IGFL2: variants seen among roughly 807,000 people sequenced by gnomAD.
IGFL2 encodes insulin growth factor-like family member 2.
IGFL2 carries 7 observed loss-of-function variants against 13.9 expected under a neutral mutation model. That is an observed-to-expected ratio of 0.51 (90% CI 0.29 to 0.95). The LOEUF (loss-of-function observed/expected upper bound fraction) is 0.95. Ranked by LOEUF, IGFL2 falls within the 40% of genes least tolerant of loss-of-function variation. The probability of loss-of-function intolerance (pLI) is 0.08; values close to 1 mark genes in which losing one functional copy is unlikely to be tolerated. For synonymous variants in IGFL2, 55 were observed against 55.8 expected (o/e 0.99, Z 0.07); for missense variants, 138 against 147.8 (o/e 0.93, Z 0.34).
At chr19:46,183,604 C>T in the IGFL2 span, among the ~76,000 whole-genome samples, 1 of 150,878 alleles carries the variant, frequency 6.6e-6, no homozygotes, top group Non-Finnish European at 1.5e-5. Flanking sequence ...GGGGTGATCT[C>T]TGCTCACTGC....
the IGFL2 span, chr19:46,198,253 G>C: frequency 6.6e-6 from 1 of 151,788 alleles, no homozygotes; most frequent in African/African-American, 2.4e-5. Flanking sequence ...GGGACCACAG[G>C]TGTGTGCCAC....
the IGFL2 span, among the ~76,000 whole-genome samples, chr19:46,193,392 T>C: frequency 6.6e-6 from 1 of 152,132 alleles, no homozygotes; most frequent in African/African-American, 2.4e-5. Context: ...AGATCAACTG[T>C]CATGCTATTG....
At chr19:46,157,226 A>G (rs949912641) in intron 1 of IGFL2, among the ~76,000 whole-genome samples, 10 of 152,310 alleles carry the variant, frequency 6.6e-5, no homozygotes, top group South Asian at 4.1e-4. Context: ...ATTCTGCACA[A>G]TCTCATCCAG....
upstream of IGFL2, among the ~76,000 whole-genome samples, chr19:46,146,511 TTGG>T (rs1368014092): frequency 6.6e-6 from 1 of 152,234 alleles, no homozygotes; most frequent in Non-Finnish European, 1.5e-5. Flanking sequence ...TTGGGTTTGA[TTGG>T]AATTGTGTTA....
At chr19:46,120,361 T>C in the IGFL2 span, 1 of 1,611,040 alleles carries the variant, frequency 6.2e-7, no homozygotes, top group Non-Finnish European at 8.5e-7. Flanking sequence ...CCTGTTCCTA[T>C]CACAGTGCCC....
the IGFL2 span, among the ~76,000 whole-genome samples, chr19:46,120,616 T>C: frequency 6.6e-6 from 1 of 150,852 alleles, no homozygotes; most frequent in South Asian, 2.1e-4. Flanking sequence ...ATTAAAAATA[T>C]TGATCTTAAA....
chr19:46,201,501 C>T, the IGFL2 span, among the ~76,000 whole-genome samples: 25 of 152,332 alleles, frequency 1.6e-4, no homozygotes, highest in East Asian at 1.5e-3. Flanking sequence ...GTGAGGCAAC[C>T]ACTGTGGGCT....
At chr19:46,183,110 T>G in the IGFL2 span, among the ~76,000 whole-genome samples, 1 of 152,238 alleles carries the variant, frequency 6.6e-6, no homozygotes, top group South Asian at 2.1e-4. Flanking sequence ...CGACTTCAAT[T>G]ATCATGGTGG....
chr19:46,116,529 T>G, the IGFL2 span, among the ~76,000 whole-genome samples: 13 of 152,236 alleles, frequency 8.5e-5, no homozygotes, highest in Admixed American at 1.3e-4. Context: ...TTGATTAGTA[T>G]TATTCTAATT....
chr19:46,115,329 G>A, the IGFL2 span, among the ~76,000 whole-genome samples: 1 of 152,086 alleles, frequency 6.6e-6, no homozygotes, highest in African/African-American at 2.4e-5. Flanking sequence ...CTCTTACAGG[G>A]AAAATGAAAA....
At chr19:46,133,949 A>C in the IGFL2 span, among the ~76,000 whole-genome samples, 2 of 152,216 alleles carry the variant, frequency 1.3e-5, no homozygotes, top group African/African-American at 4.8e-5. Context: ...ACAAAAGAGA[A>C]AGAATTCCCT....
chr19:46,156,171 G>A (rs891273041), intron 1 of IGFL2, among the ~76,000 whole-genome samples: 1 of 152,112 alleles, frequency 6.6e-6, no homozygotes, highest in East Asian at 1.9e-4. Flanking sequence ...AAACCTTGCT[G>A]TAATATTTAT....
the IGFL2 span, among the ~76,000 whole-genome samples, chr19:46,185,974 C>T: frequency 1.3e-5 from 2 of 152,138 alleles, no homozygotes; most frequent in African/African-American, 4.8e-5. Context: ...TGGGCGTCAT[C>T]GGCCCGGCCT....
chr19:46,144,022 T>A (rs1462157713), upstream of IGFL2, among the ~76,000 whole-genome samples: 3 of 152,228 alleles, frequency 2.0e-5, no homozygotes, highest in Non-Finnish European at 4.4e-5. Context: ...AAATAACTCA[T>A]CACAGAGGCC....
the IGFL2 span, among the ~76,000 whole-genome samples, chr19:46,102,400 G>A: frequency 9.5e-4 from 144 of 152,292 alleles, no homozygotes; most frequent in South Asian, 1.9e-3. Context: ...ATCTTACAAA[G>A]TATATTCTCA....
the IGFL2 span, among the ~76,000 whole-genome samples, chr19:46,109,056 C>G: frequency 1.1e-3 from 173 of 152,236 alleles, 2 homozygotes; most frequent in East Asian, 0.028. Context: ...CCGAAGGAGT[C>G]CCCCTCCCCC....
At chr19:46,152,931 C>T (rs1186021918) in intron 1 of IGFL2, among the ~76,000 whole-genome samples, 1 of 152,020 alleles carries the variant, frequency 6.6e-6, no homozygotes, top group African/African-American at 2.4e-5. Flanking sequence ...GAGAGAATTA[C>T]GTGTCTCCCT....
chr19:46,167,783 G>A, the IGFL2 span, among the ~76,000 whole-genome samples: 1 of 152,160 alleles, frequency 6.6e-6, no homozygotes, highest in South Asian at 2.1e-4. Flanking sequence ...AGAGCCACCA[G>A]AGAGCTTGTA....
At chr19:46,189,320 G>A in the IGFL2 span, 7 of 152,336 alleles carry the variant, frequency 4.6e-5, no homozygotes, top group Non-Finnish European at 1.0e-4. Context: ...CTACCTAGAA[G>A]GCAGAGCCAG....
Sources: gnomAD v4.1 joint callset for allele counts (sites outside exome capture counted in the v4.1 genomes callset) on GRCh38, gnomAD v4.1.1 for gene constraint, MANE v1.5 for transcripts, NCBI Gene and HGNC (gene_info 2026-07-23, HGNC 2026-07-21) for gene names.